ZNF827: variants seen among roughly 807,000 people sequenced by gnomAD.
ZNF827 encodes the protein zinc finger protein 827.
Under a neutral mutation model 102.4 loss-of-function variants are expected in ZNF827, and 13 were observed. The observed-to-expected ratio is 0.13, with a 90% confidence interval of 0.08 to 0.20. The LOEUF (loss-of-function observed/expected upper bound fraction) is 0.20. Among genes scored for constraint, ZNF827 ranks in the 10% least tolerant of loss-of-function variants. The probability of loss-of-function intolerance (pLI) is 1.00; values close to 1 mark genes in which losing one functional copy is unlikely to be tolerated. For missense variants in ZNF827, 1,103 were observed against 1,344.4 expected (o/e 0.82, Z 2.81); for synonymous variants, 523 against 536.2 (o/e 0.98, Z 0.34).
chr4:145,899,435 T>C (rs1195783097), intron 2 of ZNF827, among the ~76,000 whole-genome samples: 1 of 152,172 alleles, frequency 6.6e-6, no homozygotes, highest in East Asian at 1.9e-4. Flanking sequence ...CATGTACCCA[T>C]GATACAAAGA....
intron 4 of ZNF827, 69 bp from the exon 5 acceptor site, chr4:145,870,547 TCACGAAGTATGGAATG>T: frequency 7.5e-7 from 1 of 1,340,864 alleles, no homozygotes. Context: ...CCCTGGTACT[TCACGAAGTATGGAATG>T]CACAATCACA....
chr4:145,879,165 C>T (rs1159229896), intron 4 of ZNF827, among the ~76,000 whole-genome samples: 1 of 152,108 alleles, frequency 6.6e-6, no homozygotes, highest in Admixed American at 6.5e-5. Flanking sequence ...CAAGAGCCAA[C>T]CTTCTGTGGT....
chr4:145,799,747 A>T (rs1023996461), intron 8 of ZNF827, among the ~76,000 whole-genome samples: 1 of 152,326 alleles, frequency 6.6e-6, no homozygotes, highest in African/African-American at 2.4e-5. Flanking sequence ...TGTGACCAGA[A>T]GTGATGTGTT....
chr4:145,793,624 T>A (rs1192447978), intron 8 of ZNF827, among the ~76,000 whole-genome samples: 1 of 151,864 alleles, frequency 6.6e-6, no homozygotes, highest in Non-Finnish European at 1.5e-5. Flanking sequence ...GCCCACTGAC[T>A]CAAATATTAA....
chr4:145,826,692 A>G (rs1743716723), intron 7 of ZNF827, among the ~76,000 whole-genome samples: 4 of 152,194 alleles, frequency 2.6e-5, no homozygotes. Flanking sequence ...GCATAGGAAA[A>G]AGCATTGTGT....
At chr4:145,783,654 G>A (rs1738433199) in intron 8 of ZNF827, among the ~76,000 whole-genome samples, 1 of 152,220 alleles carries the variant, frequency 6.6e-6, no homozygotes, top group African/African-American at 2.4e-5. Context: ...GTTCTGAGAA[G>A]GCTTTTGCTT....
At chr4:145,831,646 A>C (rs112004425) in intron 7 of ZNF827, 231 of 152,376 alleles carry the variant, frequency 1.5e-3, no homozygotes, top group African/African-American at 5.0e-3. Context: ...TGTAGCAATT[A>C]AAAACTAAAG....
chr4:145,890,248 C>T (rs1027692212), intron 3 of ZNF827, among the ~76,000 whole-genome samples: 1 of 152,168 alleles, frequency 6.6e-6, no homozygotes, highest in Admixed American at 6.5e-5. Context: ...TCACACTTCC[C>T]GTATCAAAAG....
chr4:145,803,437 T>C (rs745545686), intron 8 of ZNF827, among the ~76,000 whole-genome samples: 4 of 152,130 alleles, frequency 2.6e-5, no homozygotes, highest in Non-Finnish European at 4.4e-5. Flanking sequence ...AAATCACTTC[T>C]TTGCTAGCAA....
chr4:145,863,268 GA>G (rs1747894568), intron 5 of ZNF827, among the ~76,000 whole-genome samples: 1 of 152,168 alleles, frequency 6.6e-6, no homozygotes, highest in South Asian at 2.1e-4. Context: ...CAAGGATGTG[GA>G]GAAATTGAGA....
chr4:145,930,732 C>T (rs1753738193), intron 1 of ZNF827, among the ~76,000 whole-genome samples: 1 of 152,284 alleles, frequency 6.6e-6, no homozygotes, highest in African/African-American at 2.4e-5. Flanking sequence ...CTAGGTCAGA[C>T]TGTGAAAGCA....
At chr4:145,857,776 T>C (rs1238067153) in intron 5 of ZNF827, among the ~76,000 whole-genome samples, 3 of 152,144 alleles carry the variant, frequency 2.0e-5, no homozygotes, top group African/African-American at 7.2e-5. Context: ...ATGTAAAACC[T>C]CTCCCAATCA....
At chr4:145,903,877 A>G (rs753536782) in intron 1 of ZNF827, among the ~76,000 whole-genome samples, 6 of 152,190 alleles carry the variant, frequency 3.9e-5, no homozygotes, top group Non-Finnish European at 8.8e-5. Flanking sequence ...TCATTAGCAA[A>G]CACTACTCAC....
intron 5 of ZNF827, among the ~76,000 whole-genome samples, chr4:145,869,702 G>T (rs1227481901): frequency 6.6e-6 from 1 of 152,090 alleles, no homozygotes; most frequent in Non-Finnish European, 1.5e-5. Flanking sequence ...AGTAAAGAAT[G>T]ATTCATTAAT....
intron 5 of ZNF827, among the ~76,000 whole-genome samples, chr4:145,861,242 A>G (rs561277295): frequency 3.3e-5 from 5 of 152,344 alleles, no homozygotes; most frequent in African/African-American, 1.2e-4. Context: ...GTGGAATGAG[A>G]ATGCTTTTGA....
intron 6 of ZNF827, among the ~76,000 whole-genome samples, chr4:145,848,532 T>C (rs17020705): frequency 0.046 from 7,020 of 152,282 alleles, 399 homozygotes; most frequent in East Asian, 0.16. Context: ...TAAACTTTAA[T>C]ATTGTAGGCC....
In ZNF827 at chr4:145,762,276, T is replaced by C. The variant is rs999031068; in HGVS notation, c.*18-678A>G. On this transcript the variant is annotated intron_variant, in intron 14 of 14. Coordinates refer to ENST00000508784, the MANE Select transcript of ZNF827 (RefSeq NM_001306215.2). This position sits in a 1 kb window ranked among gnomAD's most constrained non-coding sequence, Gnocchi z 4.9. ...TGTCAGGAAAGGAAGCTGAGGACTA[T>C]GGCAGGGGCATGGGAGGAGAAGGAA... is the stretch of plus-strand genomic sequence containing the variant. Among the ~76,000 whole-genome samples, 3 of 152,092 alleles carry C rather than the reference T, an allele frequency of 2.0e-5. No homozygotes were observed. The highest frequency in any genetic ancestry group is 4.8e-5 in the African/African-American group (2 of 41,396).
intron 3 of ZNF827, among the ~76,000 whole-genome samples, chr4:145,889,701 G>A (rs1321630849): frequency 2.0e-5 from 3 of 152,186 alleles, no homozygotes; most frequent in African/African-American, 7.2e-5. Context: ...CCACGGCCGG[G>A]TGCAGTGGCT....
intron 1 of ZNF827, among the ~76,000 whole-genome samples, chr4:145,920,143 T>C (rs1314496504): frequency 6.6e-6 from 1 of 152,216 alleles, no homozygotes; most frequent in East Asian, 1.9e-4. Flanking sequence ...CCCAGGCACC[T>C]AGAAATCTCA....
Sources: gnomAD v4.1 joint callset for allele counts (sites outside exome capture counted in the v4.1 genomes callset) on GRCh38, gnomAD v4.1.1 for gene constraint, Gnocchi (gnomAD v3.1) non-coding constraint, MANE v1.5 for transcripts, NCBI Gene and HGNC (gene_info 2026-07-23, HGNC 2026-07-21) for gene names.